The following UACA variants were observed in gnomAD, a reference collection of about 807,000 sequenced individuals.
The protein encoded by UACA is uveal autoantigen with coiled-coil domains and ankyrin repeats.
UACA carries 112 observed loss-of-function variants against 160.5 expected under a neutral mutation model. That is an observed-to-expected ratio of 0.70 (90% CI 0.60 to 0.82). The LOEUF is 0.82. Ranked by LOEUF, UACA falls within the 40% of genes least tolerant of loss-of-function variation. The pLI is 0.00. For missense variants in UACA, 1,574 were observed against 1,614.6 expected, an observed-to-expected ratio of 0.97 and a Z score of 0.43; for synonymous variants, 557 against 568.4, an observed-to-expected ratio of 0.98 and a Z score of 0.29.
At chr15:70,671,272 T>C in intron 14 of UACA, 181 bp from the exon 15 acceptor site, 1 of 445,556 alleles carries the variant, frequency 2.2e-6, no homozygotes. Flanking sequence ...CAGAAGTACC[T>C]ACAATCTACT....
chr15:70,677,045 A>T, intron 12 of UACA, 63 bp downstream of exon 12: 1 of 1,278,304 alleles, frequency 7.8e-7, no homozygotes, highest in South Asian at 1.3e-5. Context: ...TTAAACCTTT[A>T]CTACTATATC....
chr15:70,704,568 C>G (rs1898471173), intron 1 of UACA, among the ~76,000 whole-genome samples: 1 of 152,158 alleles, frequency 6.6e-6, no homozygotes, highest in African/African-American at 2.4e-5. Flanking sequence ...TGTATGTATA[C>G]TAGTAGGATA....
At chr15:70,707,267 T>A (rs1898548296) in intron 1 of UACA, among the ~76,000 whole-genome samples, 1 of 152,072 alleles carries the variant, frequency 6.6e-6, no homozygotes, top group Admixed American at 6.5e-5. Context: ...TTACATCAGA[T>A]GCAAAAAATG....
At chr15:70,763,587 G>A (rs2030915771), upstream of UACA, 8 of 1,202,220 alleles carry the variant, frequency 6.7e-6, no homozygotes, top group Non-Finnish European at 7.3e-6. Flanking sequence ...CCCTCCCGTA[G>A]CCAATTGACC....
intron 15 of UACA, among the ~76,000 whole-genome samples, chr15:70,670,401 TC>T (rs1897095946): frequency 6.6e-6 from 1 of 152,052 alleles, no homozygotes; most frequent in Non-Finnish European, 1.5e-5. Flanking sequence ...TGCATAAAAA[TC>T]CCAAGCCAAG....
At chr15:70,719,445 G>A (rs979917916) in intron 1 of UACA, among the ~76,000 whole-genome samples, 1 of 152,210 alleles carries the variant, frequency 6.6e-6, no homozygotes, top group Non-Finnish European at 1.5e-5. Context: ...TGGACCCACG[G>A]AAGCTCAATA....
chr15:70,672,647 T>A (rs1304112768), intron 13 of UACA, among the ~76,000 whole-genome samples: 1 of 152,108 alleles, frequency 6.6e-6, no homozygotes, highest in East Asian at 1.9e-4. Context: ...AATATATAAA[T>A]TAAAATACTA....
chr15:70,718,785 TA>T (rs1285761775), intron 1 of UACA, among the ~76,000 whole-genome samples: 1 of 152,112 alleles, frequency 6.6e-6, no homozygotes, highest in Non-Finnish European at 1.5e-5. Flanking sequence ...CCACCAAAAA[TA>T]ATTTTAAAAT....
At chr15:70,698,200 A>G (rs771399674) in intron 2 of UACA, among the ~76,000 whole-genome samples, 7 of 152,228 alleles carry the variant, frequency 4.6e-5, no homozygotes, top group Admixed American at 1.3e-4. Context: ...ATTGAACCTT[A>G]TATCAAGAAC....
rs114053695 is a variant in UACA, at chr15:70,700,039, A to G, written c.79-379T>C. Among the ~76,000 whole-genome samples the G allele has an allele frequency of 9.7e-3, 1,481 of 152,116 alleles. 32 individuals carry two copies. The highest frequency in any genetic ancestry group is 0.033 in the African/African-American group (1,377 of 41,494). ...TAAAATTATCATCTCCATTTAGCAG[A>G]TAAGAAAAGCCAAGGCCCCAGAGAC... On this transcript the variant is annotated intron_variant, in intron 1 of 18. Transcript: ENST00000322954.
At chr15:70,665,939 T>C (rs1414509467) in intron 16 of UACA, among the ~76,000 whole-genome samples, 2 of 152,228 alleles carry the variant, frequency 1.3e-5, no homozygotes, top group Non-Finnish European at 1.5e-5. Context: ...AAAAACTTTA[T>C]GCAACATCAG....
intron 1 of UACA, among the ~76,000 whole-genome samples, chr15:70,716,359 A>G (rs970848765): frequency 1.3e-5 from 2 of 152,204 alleles, no homozygotes; most frequent in African/African-American, 4.8e-5. Flanking sequence ...CTGCAGCCAC[A>G]TGAGTGACCC....
At chr15:70,770,686 T>G in the UACA span, among the ~76,000 whole-genome samples, 1 of 152,154 alleles carries the variant, frequency 6.6e-6, no homozygotes, top group Admixed American at 6.6e-5. Flanking sequence ...TTAAGAACAG[T>G]TCCTTTGAAC....
chr15:70,761,091 G>T (rs1013082258), intron 1 of UACA, among the ~76,000 whole-genome samples: 7 of 152,028 alleles, frequency 4.6e-5, no homozygotes, highest in African/African-American at 1.7e-4. Context: ...TACAGCAAAA[G>T]ATATGAATGG....
intron 1 of UACA, among the ~76,000 whole-genome samples, chr15:70,710,849 CTGT>C (rs1236846626): frequency 1.3e-5 from 2 of 152,228 alleles, no homozygotes; most frequent in African/African-American, 2.4e-5. Flanking sequence ...TCTCTGAACC[CTGT>C]CCTTTTGGGG....
intron 1 of UACA, among the ~76,000 whole-genome samples, chr15:70,742,743 A>G (rs1899577233): frequency 6.6e-6 from 1 of 152,184 alleles, no homozygotes; most frequent in African/African-American, 2.4e-5. Context: ...GGTTGTACCT[A>G]TAATTTTTAT....
chr15:70,748,002 C>T (rs188955131), intron 1 of UACA, among the ~76,000 whole-genome samples: 1,889 of 152,060 alleles, frequency 0.012, 15 homozygotes, highest in Non-Finnish European at 0.019. Flanking sequence ...CAAATATTCA[C>T]GAATATATGC....
the UACA span, among the ~76,000 whole-genome samples, chr15:70,774,167 C>T: frequency 2.0e-5 from 3 of 152,178 alleles, no homozygotes; most frequent in Non-Finnish European, 2.9e-5. Context: ...TTAATACTCC[C>T]AGCAAAGAAA....
intron 1 of UACA, among the ~76,000 whole-genome samples, chr15:70,706,955 T>C (rs770953843): frequency 6.6e-6 from 1 of 152,126 alleles, no homozygotes; most frequent in East Asian, 1.9e-4. Context: ...AACATTCACA[T>C]GGAATCTCAA....
Sources: allele counts gnomAD v4.1 joint callset (sites outside exome capture counted in the v4.1 genomes callset), GRCh38; gene constraint gnomAD v4.1.1; transcripts MANE v1.5; gene names NCBI Gene and HGNC (gene_info 2026-07-23, HGNC 2026-07-21).